The following CADM2 variants were observed in gnomAD, a reference collection of about 807,000 sequenced individuals.
The protein encoded by CADM2 is immunoglobulin superfamily member 4D.
Under a neutral mutation model 49.8 loss-of-function variants are expected in CADM2, and 12 were observed. The ratio of observed to expected loss-of-function variants is 0.24; its 90% CI spans 0.15 to 0.39. The LOEUF (loss-of-function observed/expected upper bound fraction) is 0.39, where lower values mean the gene tolerates loss of function less well. Ranked by LOEUF, CADM2 falls within the 10% of genes least tolerant of loss-of-function variation. CADM2 has a pLI of 1.00. For missense variants in CADM2, 378 were observed against 492.3 expected, an observed-to-expected ratio of 0.77 and a Z score of 2.20; for synonymous variants, 214 against 175.4, an observed-to-expected ratio of 1.22 and a Z score of -1.74.
At chr3:85,073,307 T>C (rs2107478873) in intron 1 of CADM2, among the ~76,000 whole-genome samples, 1 of 152,270 alleles carries the variant, frequency 6.6e-6, no homozygotes, top group East Asian at 1.9e-4. Flanking sequence ...TCTTTTGCAG[T>C]AGATGAACAT....
intron 1 of CADM2, among the ~76,000 whole-genome samples, chr3:85,456,187 G>A (rs1362267026): frequency 6.6e-6 from 1 of 152,146 alleles, no homozygotes; most frequent in Non-Finnish European, 1.5e-5. Flanking sequence ...AGAGTTGTCT[G>A]GTATCAGCAG....
intron 1 of CADM2, among the ~76,000 whole-genome samples, chr3:85,223,872 G>A (rs114360188): frequency 0.036 from 5,435 of 152,086 alleles, 122 homozygotes; most frequent in Middle Eastern, 0.058. Flanking sequence ...CTCTTCTTGC[G>A]TTACTTTGCT....
rs141219568 is a variant in CADM2 at position 85,256,680 on chromosome 3, C to T, written c.61+297012C>T. Among the ~76,000 whole-genome samples, 1,103 of 152,204 alleles carry T rather than the reference C, an allele frequency of 7.2e-3. 56 individuals are homozygous for T. The highest frequency in any genetic ancestry group is 0.065 in the Admixed American group (988 of 15,234). Reference sequence around the variant, plus strand: ...TACAAAGTCTAGTTTTGATTAACATCAAGGTTTGTTAGATTATAAAGCCCT... The same window carrying T: ...TACAAAGTCTAGTTTTGATTAACATTAAGGTTTGTTAGATTATAAAGCCCT... On this transcript the variant is annotated intron_variant, in intron 1 of 9. Transcript: ENST00000383699.
chr3:85,038,335 A>G (rs2035302814), intron 1 of CADM2, among the ~76,000 whole-genome samples: 1 of 152,242 alleles, frequency 6.6e-6, no homozygotes, highest in Admixed American at 6.5e-5. Context: ...AATATATGAT[A>G]TGTGTAAAGT....
chr3:85,111,379 C>T (rs1302896369), intron 1 of CADM2, among the ~76,000 whole-genome samples: 1 of 151,458 alleles, frequency 6.6e-6, no homozygotes, highest in African/African-American at 2.4e-5. Flanking sequence ...GCCTGTATAC[C>T]CCAGGTTTTG....
intron 6 of CADM2, among the ~76,000 whole-genome samples, chr3:85,914,217 C>T (rs918116416): frequency 6.6e-6 from 1 of 151,954 alleles, no homozygotes; most frequent in African/African-American, 2.4e-5. Flanking sequence ...CTTCAGAGCC[C>T]AAATGGAGAT....
chr3:86,042,847 C>T (rs1461850713), intron 8 of CADM2, among the ~76,000 whole-genome samples: 10 of 152,170 alleles, frequency 6.6e-5, no homozygotes, highest in South Asian at 2.1e-4. Flanking sequence ...ACTGGCAAAC[C>T]GAATCCAGCA....
chr3:85,643,146 T>C (rs1158891013), intron 1 of CADM2, among the ~76,000 whole-genome samples: 3 of 152,148 alleles, frequency 2.0e-5, no homozygotes, highest in African/African-American at 4.8e-5. Context: ...CTGTTGACCA[T>C]AAAAATGGAA....
At chr3:86,035,252 G>A (rs1250281526) in intron 8 of CADM2, among the ~76,000 whole-genome samples, 1 of 151,892 alleles carries the variant, frequency 6.6e-6, no homozygotes, top group Non-Finnish European at 1.5e-5. Flanking sequence ...TTCACATGTG[G>A]CTCTCTCAGA....
chr3:85,365,587 G>A (rs111594625), intron 1 of CADM2, among the ~76,000 whole-genome samples: 19 of 151,972 alleles, frequency 1.3e-4, no homozygotes, highest in African/African-American at 4.6e-4. Context: ...TTTTATGTAT[G>A]TCATATCATT....
chr3:85,596,337 G>GA (rs2063237854), intron 1 of CADM2, among the ~76,000 whole-genome samples: 1 of 151,640 alleles, frequency 6.6e-6, no homozygotes. Context: ...GACCATAAAT[G>GA]AAAAAATGTT....
chr3:85,554,168 C>A (rs1407373056), intron 1 of CADM2, among the ~76,000 whole-genome samples: 2 of 152,186 alleles, frequency 1.3e-5, no homozygotes, highest in East Asian at 3.9e-4. Flanking sequence ...GAGGATGAAA[C>A]TGTTCCACCC....
At chr3:85,992,414 A>G (rs1241455977) in intron 8 of CADM2, 1 of 152,142 alleles carries the variant, frequency 6.6e-6, no homozygotes, top group Non-Finnish European at 1.5e-5. Flanking sequence ...ATTTATAAGA[A>G]TAATAATTTT....
intron 1 of CADM2, among the ~76,000 whole-genome samples, chr3:85,399,446 T>A (rs1357233203): frequency 4.6e-5 from 7 of 152,154 alleles, no homozygotes; most frequent in Admixed American, 6.5e-5. Context: ...CTTAGGATTC[T>A]CTTGGCAATG....
At chr3:85,346,608 C>T (rs988424325) in intron 1 of CADM2, among the ~76,000 whole-genome samples, 11 of 151,914 alleles carry the variant, frequency 7.2e-5, no homozygotes, top group Admixed American at 5.9e-4. Flanking sequence ...AAAGAAAGCA[C>T]GTACACATTG....
chr3:85,103,709 A>G (rs2038100949), intron 1 of CADM2, among the ~76,000 whole-genome samples: 1 of 152,132 alleles, frequency 6.6e-6, no homozygotes, highest in Non-Finnish European at 1.5e-5. Flanking sequence ...GACATCTGGC[A>G]AGGGGGGAGG....
At chr3:85,652,180 C>T (rs1045536978) in intron 1 of CADM2, among the ~76,000 whole-genome samples, 3 of 151,924 alleles carry the variant, frequency 2.0e-5, no homozygotes, top group East Asian at 3.9e-4. Context: ...GGATTAGTAT[C>T]TTGAGAGCCA....
At chr3:85,503,080 C>CCA (rs58175373) in intron 1 of CADM2, among the ~76,000 whole-genome samples, 78,192 of 151,954 alleles carry the variant, frequency 0.51, 23,111 homozygotes, top group East Asian at 0.85. Context: ...GCCACACATA[C>CCA]TTACATATAC....
rs1313634575 is a variant in CADM2, at chr3:86,070,562, A to T, written c.*3779A>T. ...CAACTTTCCCATGGTATTGCTAATT[A>T]CTTAGAGTCTCTAAAATTGCCCAAT... On this transcript the variant is annotated 3_prime_UTR_variant, in exon 10 of 10. Coordinates refer to ENST00000383699, the MANE Select transcript of CADM2 (RefSeq NM_001167675.2). 1 of 151,870 alleles carries T rather than the reference A, an allele frequency of 6.6e-6. No individual in the cohort carries two copies. The highest frequency in any genetic ancestry group is 2.4e-5 in the African/African-American group (1 of 41,412). 9.4% of individuals were successfully genotyped at this position (151,870 alleles called of 1,614,324 possible).
Sources: allele counts gnomAD v4.1 joint callset (sites outside exome capture counted in the v4.1 genomes callset), GRCh38; gene constraint gnomAD v4.1.1; transcripts MANE v1.5; gene names NCBI Gene and HGNC (gene_info 2026-07-23, HGNC 2026-07-21).